XYLT1: variants seen among roughly 807,000 people sequenced by gnomAD.
XYLT1 encodes xylosyltransferase 1, also known as beta-D-xylosyltransferase 1.
A neutral mutation model predicts 91.3 loss-of-function variants in XYLT1; 36 were observed. The observed-to-expected ratio is 0.39, with a 90% CI of 0.30 to 0.52. The LOEUF is 0.52. Among genes scored for constraint, XYLT1 ranks in the 20% least tolerant of loss-of-function variants. The pLI is 0.68. For missense variants in XYLT1, 1,242 were observed against 1,284.5 expected (o/e 0.97, Z 0.51); for synonymous variants, 588 against 532.0 (o/e 1.11, Z -1.45).
At chr16:17,357,927 A>AG in intron 2 of XYLT1, 85 bp downstream of exon 2, 1 of 1,492,088 alleles carries the variant, frequency 6.7e-7, no homozygotes, top group Non-Finnish European at 9.2e-7. Flanking sequence ...GGGCCTGTCC[A>AG]GCCTTTCAGA....
At chr16:17,155,183 G>T (rs2031374935) in intron 6 of XYLT1, among the ~76,000 whole-genome samples, 1 of 152,132 alleles carries the variant, frequency 6.6e-6, no homozygotes, top group South Asian at 2.1e-4. Flanking sequence ...CACTCACTTG[G>T]GTGTGAGTCC....
chr16:17,295,138 G>C (rs2034290426), intron 2 of XYLT1, among the ~76,000 whole-genome samples: 1 of 152,174 alleles, frequency 6.6e-6, no homozygotes, highest in Non-Finnish European at 1.5e-5. Context: ...AAGTGAGCAT[G>C]CTGCTTGGCT....
chr16:17,332,033 G>A (rs1030476795), intron 2 of XYLT1, among the ~76,000 whole-genome samples: 35 of 152,150 alleles, frequency 2.3e-4, no homozygotes, highest in African/African-American at 8.5e-4. Flanking sequence ...CCCCTTGTGG[G>A]ACACAGGGAT....
intron 1 of XYLT1, among the ~76,000 whole-genome samples, chr16:17,386,399 T>C (rs1378595570): frequency 6.6e-6 from 1 of 152,310 alleles, no homozygotes; most frequent in Non-Finnish European, 1.5e-5. Flanking sequence ...GTTATTCACA[T>C]TCCCAAAGGA....
At chr16:17,239,672 G>T (rs1233120522) in intron 3 of XYLT1, among the ~76,000 whole-genome samples, 8 of 145,526 alleles carry the variant, frequency 5.5e-5, no homozygotes, top group Non-Finnish European at 1.2e-4. Context: ...CATGTTCCTA[G>T]TCCATTCATC....
At chr16:17,433,623 C>A (rs1025647937) in intron 1 of XYLT1, among the ~76,000 whole-genome samples, 2 of 152,160 alleles carry the variant, frequency 1.3e-5, no homozygotes, top group Non-Finnish European at 2.9e-5. Context: ...CAGCCATGAC[C>A]CTGGTCATCT....
At chr16:17,270,459 G>A (rs1175588657) in intron 2 of XYLT1, among the ~76,000 whole-genome samples, 2 of 152,110 alleles carry the variant, frequency 1.3e-5, no homozygotes, top group Non-Finnish European at 2.9e-5. Context: ...AGGTGGCAGG[G>A]AAAGATCTGA....
At position 17,184,602 on chromosome 16, in the gene XYLT1, G is replaced by A. The variant is rs115402665; in HGVS notation, c.1289+13610C>T. 9.7e-3 allele frequency among the ~76,000 whole-genome samples: 1,484 copies of A among 152,266 alleles called. 18 individuals carry two copies. Among genetic ancestry groups the A allele is most frequent in the African/African-American group, 0.032 (1,339 of 41,550 alleles). ...TTAGTTCCTCAGTCCCACAAGGCAC[G>A]TTTCAAGCTCTCAATGGCCACCTGT... is the stretch of plus-strand genomic sequence containing the variant. On this transcript the variant is annotated intron_variant, in intron 5 of 11. Coordinates refer to ENST00000261381, the MANE Select transcript of XYLT1 (RefSeq NM_022166.4).
chr16:17,211,477 G>A (rs2141599471), intron 3 of XYLT1, among the ~76,000 whole-genome samples: 1 of 152,276 alleles, frequency 6.6e-6, no homozygotes, highest in Middle Eastern at 3.4e-3. Context: ...GAGAAACACT[G>A]TCCTTTTGAT....
At chr16:17,455,085 A>T (rs2036723095) in intron 1 of XYLT1, among the ~76,000 whole-genome samples, 1 of 151,828 alleles carries the variant, frequency 6.6e-6, no homozygotes, top group African/African-American at 2.4e-5. Flanking sequence ...AAGAGTACAG[A>T]CTGTATGATT....
intron 3 of XYLT1, among the ~76,000 whole-genome samples, chr16:17,211,785 C>G (rs894419405): frequency 8.5e-5 from 13 of 152,290 alleles, no homozygotes; most frequent in Admixed American, 7.8e-4. Flanking sequence ...ACCAAAGCCT[C>G]ATGTTCTCAG....
intron 1 of XYLT1, among the ~76,000 whole-genome samples, chr16:17,426,286 A>C (rs1174387914): frequency 6.6e-6 from 1 of 152,102 alleles, no homozygotes; most frequent in Non-Finnish European, 1.5e-5. Flanking sequence ...ACGGCCGGGC[A>C]CGGTGGCTCA....
intron 3 of XYLT1, among the ~76,000 whole-genome samples, chr16:17,246,226 T>G (rs1313891901): frequency 6.6e-6 from 1 of 152,192 alleles, no homozygotes; most frequent in African/African-American, 2.4e-5. Context: ...ATAAATGAGT[T>G]AATGTGGCTA....
Position 17,127,512 on chromosome 16 carries a change from G to A in XYLT1, c.2223+154C>T, listed in dbSNP as rs116544469. 8.4e-3 allele frequency among the ~76,000 whole-genome samples: 1,283 copies of A among 152,276 alleles called. 19 individuals carry two copies. The highest frequency in any genetic ancestry group is 0.029 in the African/African-American group (1,219 of 41,556). ...GATGCTGGTGCCAGTGACTGGGGCC[G>A]GAGAACCTTCTTCGGGCACAGGGTT... is the stretch of plus-strand genomic sequence containing the variant. On this transcript the variant is annotated intron_variant, in intron 10 of 11. Transcript: ENST00000261381.
chr16:17,369,845 A>C (rs1314942511), intron 1 of XYLT1: 1 of 152,198 alleles, frequency 6.6e-6, no homozygotes, highest in Non-Finnish European at 1.5e-5. Flanking sequence ...GCTGCCTGTG[A>C]ACAGCCTGGC....
intron 3 of XYLT1, among the ~76,000 whole-genome samples, chr16:17,239,313 T>C (rs900585190): frequency 1.7e-5 from 2 of 118,968 alleles, no homozygotes; most frequent in Admixed American, 8.2e-5. Context: ...ATCCAGTCCA[T>C]TCATCCATCC....
At chr16:17,314,536 T>C (rs1269141103) in intron 2 of XYLT1, among the ~76,000 whole-genome samples, 1 of 152,154 alleles carries the variant, frequency 6.6e-6, no homozygotes, top group Non-Finnish European at 1.5e-5. Context: ...CCATCTGCTA[T>C]CCAAGAGAAC....
intron 5 of XYLT1, among the ~76,000 whole-genome samples, chr16:17,186,206 C>T (rs575423077): frequency 9.2e-5 from 14 of 152,206 alleles, no homozygotes; most frequent in Non-Finnish European, 1.6e-4. Context: ...TGGGTTCAAG[C>T]GATTCTCCTG....
intron 2 of XYLT1, among the ~76,000 whole-genome samples, chr16:17,298,073 C>T (rs144042819): frequency 9.2e-4 from 140 of 152,182 alleles, no homozygotes; most frequent in Admixed American, 2.9e-3. Flanking sequence ...AGAGCTATCA[C>T]GGCTCCATTC....
Sources: gnomAD v4.1 joint callset for allele counts (sites outside exome capture counted in the v4.1 genomes callset) on GRCh38, gnomAD v4.1.1 for gene constraint, MANE v1.5 for transcripts, NCBI Gene and HGNC (gene_info 2026-07-23, HGNC 2026-07-21) for gene names.